Variants in CD86 observed in about 807,000 individuals in gnomAD.
The protein encoded by CD86 is CD86 molecule.
A neutral mutation model predicts 32.1 loss-of-function variants in CD86; 11 were observed. That is an observed-to-expected ratio of 0.34 (90% CI 0.22 to 0.57). The LOEUF is 0.57. Among genes scored for constraint, CD86 ranks in the 20% least tolerant of loss-of-function variants. The pLI, the probability that CD86 is intolerant of heterozygous loss-of-function variation, is 0.86. For synonymous variants in CD86, 137 were observed against 135.3 expected, an observed-to-expected ratio of 1.01 and a Z score of -0.09; for missense variants, 359 against 398.4, an observed-to-expected ratio of 0.90 and a Z score of 0.84.
At chr3:122,107,432 G>T (rs182503506) in intron 4 of CD86, among the ~76,000 whole-genome samples, 15 of 152,336 alleles carry the variant, frequency 9.8e-5, no homozygotes, top group African/African-American at 3.6e-4. Flanking sequence ...TCAGGGACAA[G>T]TTCAGTGGAG....
Position 122,089,116 on chromosome 3 carries a change from G to A in CD86, c.15-2485G>A, listed in dbSNP as rs144030304. ...CTGTATGAGTTTACTTATACCCTAA[G>A]CAGTCAAATTCATGGAAACAGAAGG... On this transcript the variant is annotated intron_variant, in intron 1 of 6. Coordinates refer to ENST00000330540, the MANE Select transcript of CD86 (RefSeq NM_175862.5). Among the ~76,000 whole-genome samples, 548 of 152,268 alleles carry A rather than the reference G, an allele frequency of 3.6e-3. 4 individuals are homozygous for A. The highest frequency in any genetic ancestry group is 0.013 in the African/African-American group (520 of 41,558).
chr3:122,119,748 C>T lies in CD86; in HGVS notation c.*214C>T, dbSNP rs568120925. 3 of 488,784 alleles carry T rather than the reference C, an allele frequency of 6.1e-6. No individual in the cohort carries two copies. Among genetic ancestry groups the T allele is most frequent in the Admixed American group, 7.4e-5 (2 of 26,898 alleles). The allele number at this position is 488,784 out of a possible 1,614,324, so 30.3% of individuals were successfully genotyped here. ...CTTTAATTCTCTTACTGCTTCTTTT[C>T]ACTTCAGAGCACACTTATGGGCCAA... is the stretch of plus-strand genomic sequence containing the variant. On this transcript the variant is annotated 3_prime_UTR_variant, in exon 7 of 7. Coordinates refer to ENST00000330540, the MANE Select transcript of CD86 (RefSeq NM_175862.5).
intron 1 of CD86, among the ~76,000 whole-genome samples, chr3:122,064,353 TTG>T (rs2072383343): frequency 6.6e-6 from 1 of 152,166 alleles, no homozygotes; most frequent in Admixed American, 6.5e-5. Context: ...TTGACTAAAA[TTG>T]CCAGATCTTC....
At chr3:122,110,509 C>T (rs900697481) in intron 5 of CD86, among the ~76,000 whole-genome samples, 6 of 152,142 alleles carry the variant, frequency 3.9e-5, no homozygotes, top group Non-Finnish European at 8.8e-5. Context: ...CTCTGGCCAG[C>T]ATCTTGTTTT....
At position 122,102,406 on chromosome 3, in the gene CD86, C is replaced by CTTTTTTTTTTT. The variant is rs1011413952; in HGVS notation, c.65-1089_65-1079dup. Reference sequence around the variant, plus strand: ...CGCACTTCTCACCCACCACTGCTTACTTTTTTTTTTTTTTTTTTTTTTTTT... The same window carrying CTTTTTTTTTTT: ...CGCACTTCTCACCCACCACTGCTTACTTTTTTTTTTTTTTTTTTTTTTTTTTTTTTTTTTTT... On this transcript the variant is annotated intron_variant, in intron 2 of 6. Transcript: ENST00000330540. Among the ~76,000 whole-genome samples, 6 of 56,132 alleles carry CTTTTTTTTTTT rather than the reference C, an allele frequency of 1.1e-4. 1 individual carries two copies. Among genetic ancestry groups the CTTTTTTTTTTT allele is most frequent in the African/African-American group, 3.3e-4 (4 of 12,024 alleles). The allele number at this position is 56,132 out of a possible 152,430, so 36.8% of individuals were successfully genotyped here. A position where few individuals can be genotyped will look rare whatever the true frequency, so the allele number is the denominator to read the frequency against.
chr3:122,084,239 G>A (rs757165549), intron 1 of CD86, among the ~76,000 whole-genome samples: 6 of 152,112 alleles, frequency 3.9e-5, no homozygotes, highest in Non-Finnish European at 8.8e-5. Context: ...TGCCCACCTC[G>A]GCCTCCCAAA....
At chr3:122,082,013 C>T (rs2072641625) in intron 1 of CD86, among the ~76,000 whole-genome samples, 1 of 152,160 alleles carries the variant, frequency 6.6e-6, no homozygotes, top group African/African-American at 2.4e-5. Flanking sequence ...GATGGAGTGT[C>T]CAGATGTTCT....
At chr3:122,102,255 A>C (rs919485666) in intron 2 of CD86, among the ~76,000 whole-genome samples, 3 of 151,848 alleles carry the variant, frequency 2.0e-5, no homozygotes. Flanking sequence ...TTTCCTCCTC[A>C]ATGTCAACAT....
At position 122,108,479 on chromosome 3, in the gene CD86, C is replaced by T. The variant is rs1018563130; in HGVS notation, c.704-786C>T. 2.6e-5 allele frequency among the ~76,000 whole-genome samples: 4 copies of T among 152,152 alleles called. No homozygotes were observed. In the South Asian group the frequency reaches 8.3e-4, roughly 32 times the overall value. On this transcript the variant is annotated intron_variant, in intron 4 of 6. Coordinates refer to ENST00000330540, the MANE Select transcript of CD86 (RefSeq NM_175862.5). ...CATGTGTCTACAAATTATAGCTAAG[C>T]TAATAGATCAGCTGGTCCTAATTTT...
chr3:122,112,061 T>C (rs2107546954), intron 5 of CD86, among the ~76,000 whole-genome samples: 1 of 152,338 alleles, frequency 6.6e-6, no homozygotes, highest in South Asian at 2.1e-4. Flanking sequence ...TTTATAACTA[T>C]GAATTACTGT....
chr3:122,120,211 G>C lies in CD86; in HGVS notation c.*677G>C, dbSNP rs1576792029. 2.0e-5 allele frequency: 3 copies of C among 152,338 alleles called. No homozygotes were observed. In the South Asian group the frequency reaches 6.2e-4, roughly 32 times the overall value. The allele number at this position is 152,338 out of a possible 1,614,324, so 9.4% of individuals were successfully genotyped here. On this transcript the variant is annotated 3_prime_UTR_variant, in exon 7 of 7. Transcript: ENST00000330540. ...TTAGGAGAGGCAGAGATAGAACCTG[G>C]AGCCACTTCTATCTGGGCTGTTGCT... is the stretch of plus-strand genomic sequence containing the variant.
At chr3:122,057,476 C>T (rs995803695) in intron 1 of CD86, among the ~76,000 whole-genome samples, 6 of 152,142 alleles carry the variant, frequency 3.9e-5, no homozygotes, top group Non-Finnish European at 8.8e-5. Flanking sequence ...GCAGAACGAA[C>T]AGTGCTATCA....
intron 1 of CD86, among the ~76,000 whole-genome samples, chr3:122,083,179 C>T (rs563319341): frequency 6.6e-5 from 10 of 152,344 alleles, no homozygotes; most frequent in African/African-American, 1.7e-4. Flanking sequence ...CCTGGCTTCC[C>T]TATCATCCAT....
At chr3:122,096,293 G>A (rs2072906713) in intron 2 of CD86, among the ~76,000 whole-genome samples, 1 of 152,128 alleles carries the variant, frequency 6.6e-6, no homozygotes, top group Non-Finnish European at 1.5e-5. Context: ...GCCCAGGCTG[G>A]TCTTGAACTC....
In CD86 at chr3:122,116,432, G is replaced by T. The variant is rs79152181; in HGVS notation, c.848-1616G>T. On this transcript the variant is annotated intron_variant, in intron 5 of 6. Transcript: ENST00000330540. ...GGGAAGTACAAATTAAAACGATAATGAGATACCACTGCACACCCTCTAGAA... is the reference window on the plus strand; with the variant it reads ...GGGAAGTACAAATTAAAACGATAATTAGATACCACTGCACACCCTCTAGAA... 2.7e-3 allele frequency among the ~76,000 whole-genome samples: 404 copies of T among 152,224 alleles called. 1 individual carries two copies. Among genetic ancestry groups the T allele is most frequent in the African/African-American group, 9.4e-3 (389 of 41,546 alleles).
chr3:122,088,243 C>T (rs2072757107), intron 1 of CD86, among the ~76,000 whole-genome samples: 4 of 137,710 alleles, frequency 2.9e-5, no homozygotes, highest in Admixed American at 2.3e-4. Flanking sequence ...TTCTCACTGT[C>T]ATTTTATATT....
At chr3:122,070,044 C>T (rs2072467640) in intron 1 of CD86, among the ~76,000 whole-genome samples, 1 of 152,158 alleles carries the variant, frequency 6.6e-6, no homozygotes, top group Admixed American at 6.5e-5. Context: ...TTAATATAAG[C>T]AAATTCAGTC....
intron 2 of CD86, among the ~76,000 whole-genome samples, chr3:122,095,476 C>T (rs540211619): frequency 5.9e-5 from 9 of 152,300 alleles, no homozygotes; most frequent in Admixed American, 2.6e-4. Context: ...TGAGCCACTG[C>T]GCCCGGCCCA....
chr3:122,091,835 G>T, intron 2 of CD86, 185 bp downstream of exon 2: 1 of 596,484 alleles, frequency 1.7e-6, no homozygotes, highest in Non-Finnish European at 3.0e-6. Context: ...GCAGCTGATG[G>T]CAGGCAGCTG....
Sources: gnomAD v4.1 joint callset for allele counts (sites outside exome capture counted in the v4.1 genomes callset) on GRCh38, gnomAD v4.1.1 for gene constraint, MANE v1.5 for transcripts, NCBI Gene and HGNC (gene_info 2026-07-23, HGNC 2026-07-21) for gene names.